Variants in ZNF493 observed in about 807,000 individuals in gnomAD.
The protein encoded by ZNF493 is zinc finger protein 493.
Under a neutral mutation model 12.2 loss-of-function variants are expected in ZNF493, and 11 were observed. The observed-to-expected ratio is 0.90, with a 90% CI of 0.57 to 1.50. The LOEUF (loss-of-function observed/expected upper bound fraction) is 1.50. ZNF493 is among the 40% of genes most tolerant of loss of function. The probability of loss-of-function intolerance (pLI) is 0.00; values close to 1 mark genes in which losing one functional copy is unlikely to be tolerated. For synonymous variants in ZNF493, 286 were observed against 302.6 expected, an observed-to-expected ratio of 0.95 and a Z score of 0.57; for missense variants, 950 against 906.6, an observed-to-expected ratio of 1.05 and a Z score of -0.61.
In ZNF493 at chr19:21,426,054, C is replaced by T; in HGVS notation, c.*1070C>T. ...AAATATGGCAAAGGCTTTAACTAGT[C>T]CTCAGTTCTTAACACACATACGATA... On this transcript the variant is annotated 3_prime_UTR_variant, in exon 4 of 4. Coordinates refer to ENST00000392288, the MANE Select transcript of ZNF493 (RefSeq NM_001076678.3). The T allele has an allele frequency of 2.4e-6, 1 of 423,060 alleles. No homozygotes were observed. The highest frequency in any genetic ancestry group is 4.7e-6 in the Non-Finnish European group (1 of 214,202). 26.2% of individuals were successfully genotyped at this position (423,060 alleles called of 1,614,324 possible).
Position 21,424,699 on chromosome 19 carries a change from T to C in ZNF493, c.2040T>C (p.Thr680=), listed in dbSNP as rs1406577366. 1 of 1,613,544 alleles carries C rather than the reference T, an allele frequency of 6.2e-7. No individual in the cohort carries two copies. Among genetic ancestry groups the C allele is most frequent in the East Asian group, 2.2e-5 (1 of 44,862 alleles). Residue 680 remains threonine, a synonymous_variant, in exon 4 of 4, where the codon ACT becomes ACC. Coordinates refer to ENST00000392288, the MANE Select transcript of ZNF493 (RefSeq NM_001076678.3). ...STLTKHKIIH[T]EEKPYKCEKC... ...TTACTAAACATAAGATAATTCATACTGAAGAGAAACCCTACAAATGTGAAA... is the reference window on the plus strand; with the variant it reads ...TTACTAAACATAAGATAATTCATACCGAAGAGAAACCCTACAAATGTGAAA...
In ZNF493 at chr19:21,425,351, C is replaced by T. The variant is rs35148123; in HGVS notation, c.*367C>T. The T allele has an allele frequency of 0.23, 95,901 of 410,588 alleles. 13,007 individuals carry two copies. The highest frequency in any genetic ancestry group is 0.28 in the Non-Finnish European group (58,119 of 208,534). The allele number at this position is 410,588 out of a possible 1,614,324, so 25.4% of individuals were successfully genotyped here. ...AGATAATTCATACTGGAAGGAAACC[C>T]TACAAATATGAGGAATGTCTCAAAG... On this transcript the variant is annotated 3_prime_UTR_variant, in exon 4 of 4. Coordinates refer to ENST00000392288, the MANE Select transcript of ZNF493 (RefSeq NM_001076678.3).
At chr19:21,407,673 A>G (rs2030178702) in intron 3 of ZNF493, 3 of 968,996 alleles carry the variant, frequency 3.1e-6, no homozygotes, top group Admixed American at 6.2e-5. Flanking sequence ...TGTTAATTTT[A>G]TATTTTGTTA....
chr19:21,424,757 C>T lies in ZNF493; in HGVS notation c.2098C>T (p.Leu700Phe), dbSNP rs1430515616. The T allele has an allele frequency of 6.2e-7, 1 of 1,613,150 alleles. No homozygotes were observed. The highest frequency in any genetic ancestry group is 1.7e-5 in the Admixed American group (1 of 59,884). Residue 700 changes from leucine to phenylalanine, a missense_variant, in exon 4 of 4, where the codon CTT becomes TTT. Coordinates refer to ENST00000392288, the MANE Select transcript of ZNF493 (RefSeq NM_001076678.3). ...CGKTFYRFSN[L>F]NTHKIIHTGE... is the part of the protein sequence containing the mutation. ...CAAAACTTTCTACCGATTCTCAAAC[C>T]TTAATACGCATAAGATAATTCATAC...
Position 21,423,815 on chromosome 19 carries a change from T to C in ZNF493, c.1156T>C (p.Phe386Leu). ...PYKCEECGKA[F>L]SIFSTLTKHK... ...CAAATGTGAAGAATGTGGCAAAGCCTTTAGTATTTTCTCAACCCTTACTAA... is the reference window on the plus strand; with the variant it reads ...CAAATGTGAAGAATGTGGCAAAGCCCTTAGTATTTTCTCAACCCTTACTAA... The change falls in exon 4 of 4, where the codon TTT (phenylalanine) becomes CTT (leucine). Residue 386 changes from phenylalanine to leucine, a missense_variant. Physicochemically the swap from Phe to Leu is conservative, Grantham distance 22. Transcript: ENST00000392288. 6.2e-7 allele frequency: 1 copy of C among 1,613,536 alleles called. No homozygotes were observed. The highest frequency in any genetic ancestry group is 8.5e-7 in the Non-Finnish European group (1 of 1,179,776).
At position 21,405,787 on chromosome 19, in the gene ZNF493, G is replaced by T; in HGVS notation, c.184G>T (p.Val62Phe). ...TATTGCTGTCTCTAAGCCAGATCTG[G>T]TCACCTGTCTGGAGCAAGGAAAAGA... The part of the protein sequence containing the change: ...LGIAVSKPDL[V>F]TCLEQGKDPW... Residue 62 changes from valine to phenylalanine, a missense_variant, in exon 3 of 4, where the codon GTC becomes TTC. Physicochemically the swap from Val to Phe is conservative, Grantham distance 50. Transcript: ENST00000392288. The T allele has an allele frequency of 6.2e-7, 1 of 1,610,866 alleles. No individual in the cohort carries two copies. Among genetic ancestry groups the T allele is most frequent in the Non-Finnish European group, 8.5e-7 (1 of 1,178,736 alleles).
rs757432411 is a variant in ZNF493, at chr19:21,407,922, C to T, written c.253+2066C>T. ...GTGTCTGTGAATTTGAAATGGCAAA[C>T]AACTCCTTAAGTTTTTATAAGCTGA... On this transcript the variant is annotated intron_variant, in intron 3 of 3. Coordinates refer to ENST00000392288, the MANE Select transcript of ZNF493 (RefSeq NM_001076678.3). The T allele has an allele frequency of 7.3e-5, 72 of 985,250 alleles. No homozygotes were observed. In the African/African-American group the frequency reaches 1.1e-3, roughly 15 times the overall value. 61.0% of individuals were successfully genotyped at this position (985,250 alleles called of 1,614,324 possible).
intron 1 of ZNF493, 136 bp from the exon 2 acceptor site, chr19:21,404,993 G>T (rs1433242998): frequency 1.1e-5 from 16 of 1,424,542 alleles, no homozygotes; most frequent in Non-Finnish European, 8.4e-6. Flanking sequence ...GTTGAAAATT[G>T]TTGGATAATT....
intron 3 of ZNF493, chr19:21,412,526 A>AAG (rs1555730798): frequency 4.8e-5 from 1 of 20,806 alleles, no homozygotes; most frequent in Non-Finnish European, 1.6e-4. Flanking sequence ...TGTTCCCAAC[A>AAG]TGTCTCTTCT....
At position 21,426,972 on chromosome 19, in the gene ZNF493, G is replaced by C. The variant is rs2030871352; in HGVS notation, c.*1988G>C. 1 of 166,956 alleles carries C rather than the reference G, an allele frequency of 6.0e-6. No individual in the cohort carries two copies. Among genetic ancestry groups the C allele is most frequent in the African/African-American group, 2.4e-5 (1 of 41,450 alleles). 10.3% of individuals were successfully genotyped at this position (166,956 alleles called of 1,614,324 possible). A position where few individuals can be genotyped will look rare whatever the true frequency, so the allele number is the denominator to read the frequency against. On this transcript the variant is annotated 3_prime_UTR_variant, in exon 4 of 4. Coordinates refer to ENST00000392288, the MANE Select transcript of ZNF493 (RefSeq NM_001076678.3). ...TACTTTGTTTCTTGAAAAAATTACA[G>C]ATTTTTTGAAAAGCAAATGATGTAA...
intron 3 of ZNF493, chr19:21,407,515 T>C (rs1255147145): frequency 5.3e-6 from 2 of 379,226 alleles, no homozygotes; most frequent in African/African-American, 4.4e-5. Flanking sequence ...GGTCTCTATC[T>C]CCTGACCTCG....
At chr19:21,415,591 C>G (rs182109474) in intron 3 of ZNF493, among the ~76,000 whole-genome samples, 6 of 152,224 alleles carry the variant, frequency 3.9e-5, no homozygotes, top group African/African-American at 1.4e-4. Context: ...TAATATTTCT[C>G]AAGTGGCGGC....
chr19:21,397,468 C>T (rs1974190939), intron 1 of ZNF493: 4 of 678,142 alleles, frequency 5.9e-6, no homozygotes, highest in East Asian at 5.4e-5. Context: ...GGCGTCCTGT[C>T]TCTTCCCTGC....
chr19:21,413,334 TA>T (rs1448956874), intron 3 of ZNF493: 2 of 393,480 alleles, frequency 5.1e-6, no homozygotes, highest in Admixed American at 4.3e-5. Context: ...CCAAGATAGA[TA>T]AATATGCCCA....
chr19:21,410,058 G>GTATATATATATATA (rs750161583), intron 3 of ZNF493, among the ~76,000 whole-genome samples: 11 of 139,904 alleles, frequency 7.9e-5, no homozygotes, highest in African/African-American at 2.4e-4. Context: ...ATTTCATTGT[G>GTATATATATATATA]TGTATATATA....
intron 3 of ZNF493, chr19:21,413,124 A>G: frequency 3.3e-6 from 1 of 300,314 alleles, no homozygotes; most frequent in Non-Finnish European, 6.3e-6. Flanking sequence ...ATCATTGTGC[A>G]GCACCTCTGC....
intron 3 of ZNF493, among the ~76,000 whole-genome samples, chr19:21,414,896 T>G (rs1479620307): frequency 6.6e-6 from 1 of 152,218 alleles, no homozygotes; most frequent in Non-Finnish European, 1.5e-5. Flanking sequence ...AACAGTTTTG[T>G]TTTAGGAAAA....
Position 21,423,971 on chromosome 19 carries a change from T to C in ZNF493, c.1312T>C (p.Cys438Arg). ...AGAGAAACCCTACAAATGTGAAGAA[T>C]GTGGCAAAACCTTTAGTGTATTCTC... The part of the protein sequence containing the change: ...TGEKPYKCEE[C>R]GKTFSVFSIL... Residue 438 changes from cysteine (C) to arginine (R), a missense_variant, in exon 4 of 4, where the codon TGT becomes CGT. Transcript: ENST00000392288. 2 of 1,613,554 alleles carry C rather than the reference T, an allele frequency of 1.2e-6. No homozygotes were observed. The highest frequency in any genetic ancestry group is 1.3e-5 in the African/African-American group (1 of 75,030).
Position 21,397,157 on chromosome 19 carries a change from T to G in ZNF493, c.-81T>G. Reference sequence around the variant, plus strand: ...CATTGTTTCTCTCTGCTGCCGGAGCTCCAGGTCTACCCTTCACTGCTCTGT... The same window carrying G: ...CATTGTTTCTCTCTGCTGCCGGAGCGCCAGGTCTACCCTTCACTGCTCTGT... On this transcript the variant is annotated 5_prime_UTR_variant, in exon 1 of 4. Coordinates refer to ENST00000392288, the MANE Select transcript of ZNF493 (RefSeq NM_001076678.3). The G allele has an allele frequency of 6.5e-7, 1 of 1,541,640 alleles. No individual in the cohort carries two copies. Among genetic ancestry groups the G allele is most frequent in the Non-Finnish European group, 9.0e-7 (1 of 1,114,344 alleles).
Sources: allele counts gnomAD v4.1 joint callset (sites outside exome capture counted in the v4.1 genomes callset), GRCh38; gene constraint gnomAD v4.1.1; transcripts MANE v1.5; gene names NCBI Gene and HGNC (gene_info 2026-07-23, HGNC 2026-07-21).